Variants in TMC1 observed in about 807,000 individuals in gnomAD.
The protein encoded by TMC1 is transmembrane channel like 1, also known as transmembrane channel-like protein 1.
A neutral mutation model predicts 105.8 loss-of-function variants in TMC1; 84 were observed. The ratio of observed to expected loss-of-function variants is 0.79; its 90% confidence interval spans 0.67 to 0.95. The LOEUF is 0.95. Ranked by LOEUF, TMC1 falls within the 40% of genes least tolerant of loss-of-function variation. The pLI, the probability that TMC1 is intolerant of heterozygous loss-of-function variation, is 0.00. For synonymous variants in TMC1, 315 were observed against 311.5 expected, an observed-to-expected ratio of 1.01 and a Z score of -0.12; for missense variants, 817 against 914.1, an observed-to-expected ratio of 0.89 and a Z score of 1.37.
At chr9:72,681,290 C>G (rs1424662093) in intron 5 of TMC1, among the ~76,000 whole-genome samples, 6 of 152,074 alleles carry the variant, frequency 3.9e-5, no homozygotes, top group Admixed American at 6.6e-5. Context: ...CTCAAACAAT[C>G]TAAATGCAAA....
At chr9:72,543,940 T>TTTTCTTTCTTTCTTTC (rs141265571) in intron 1 of TMC1, among the ~76,000 whole-genome samples, 3 of 120,062 alleles carry the variant, frequency 2.5e-5, no homozygotes, top group African/African-American at 3.8e-5. Context: ...TTCTTTTTCT[T>TTTTCTTTCTTTCTTTC]TTTCTTTCTT....
Position 72,772,454 on chromosome 9 carries a change from C to T in TMC1, c.783C>T (p.Asp261=), listed in dbSNP as rs1827943616. The part of the protein sequence containing the change: ...QYSVLFYGYY[D]NKRTIGWMNF... Reference sequence around the variant, plus strand: ...CCGTTCTCTTTTATGGCTATTATGACAATAAACGAACAATTGGATGGATGA... The same window carrying T: ...CCGTTCTCTTTTATGGCTATTATGATAATAAACGAACAATTGGATGGATGA... Residue 261 remains aspartate (D), a synonymous_variant, in exon 13 of 24, where the codon GAC becomes GAT. Coordinates refer to ENST00000297784, the MANE Select transcript of TMC1 (RefSeq NM_138691.3). The T allele has an allele frequency of 6.2e-7, 1 of 1,613,760 alleles. No individual in the cohort carries two copies. The highest frequency in any genetic ancestry group is 1.3e-5 in the African/African-American group (1 of 74,898).
chr9:72,606,219 T>G (rs1019356136), intron 2 of TMC1, among the ~76,000 whole-genome samples: 1 of 152,174 alleles, frequency 6.6e-6, no homozygotes, highest in Admixed American at 6.5e-5. Flanking sequence ...TTCTTCTCGC[T>G]GGAGACTTCA....
Position 72,521,638 on chromosome 9 carries a change from G to A in TMC1, c.-703G>A, listed in dbSNP as rs1369430786. ...CGCGCGACTGTTTCCCATCTACTCAGAGGCTGAGGCGGGAGAATCGCTTGA... is the reference window on the plus strand; with the variant it reads ...CGCGCGACTGTTTCCCATCTACTCAAAGGCTGAGGCGGGAGAATCGCTTGA... On this transcript the variant is annotated 5_prime_UTR_variant, in exon 1 of 24. Transcript: ENST00000297784. 1.3e-5 allele frequency: 2 copies of A among 152,084 alleles called. No individual in the cohort carries two copies. Among genetic ancestry groups the A allele is most frequent in the Non-Finnish European group, 2.9e-5 (2 of 68,166 alleles). The allele number at this position is 152,084 out of a possible 1,614,324, so 9.4% of individuals were successfully genotyped here. A position where few individuals can be genotyped will look rare whatever the true frequency, so the allele number is the denominator to read the frequency against.
intron 17 of TMC1, among the ~76,000 whole-genome samples, chr9:72,797,181 T>G (rs1479298698): frequency 1.3e-5 from 2 of 152,034 alleles, no homozygotes; most frequent in Admixed American, 6.6e-5. Context: ...GACCTCTTCA[T>G]GGAGAACTAC....
In TMC1 at chr9:72,820,889, G is replaced by C; in HGVS notation, c.1811G>C (p.Arg604Pro). The change falls in exon 20 of 24, where the codon CGA (arginine) becomes CCA (proline). Residue 604 changes from arginine (R) to proline (P), a missense_variant. Coordinates refer to ENST00000297784, the MANE Select transcript of TMC1 (RefSeq NM_138691.3). ...AGCCTCCCAGGCATCAATATCCTTC[G>C]ACTCCATACATCCATGTACTTCCAG... The part of the protein sequence containing the change: ...APSLPGINIL[R>P]LHTSMYFQCW... The C allele has an allele frequency of 6.2e-7, 1 of 1,614,066 alleles. No individual in the cohort carries two copies. The highest frequency in any genetic ancestry group is 8.5e-7 in the Non-Finnish European group (1 of 1,180,014).
At chr9:72,545,857 C>A (rs747907939) in intron 1 of TMC1, among the ~76,000 whole-genome samples, 4 of 151,706 alleles carry the variant, frequency 2.6e-5, no homozygotes, top group Non-Finnish European at 4.4e-5. Flanking sequence ...GTAATTTTCA[C>A]AAATTTTAAA....
At chr9:72,774,637 T>C (rs540601648) in intron 13 of TMC1, among the ~76,000 whole-genome samples, 1 of 152,268 alleles carries the variant, frequency 6.6e-6, no homozygotes, top group African/African-American at 2.4e-5. Context: ...TCCAAACCAG[T>C]GTGGCCTTGA....
Position 72,739,105 on chromosome 9 carries a change from A to G in TMC1, c.363-1014A>G, listed in dbSNP as rs578167629. Among the ~76,000 whole-genome samples the G allele has an allele frequency of 1.0e-3, 157 of 152,340 alleles. 1 individual carries two copies. Among genetic ancestry groups the G allele is most frequent in the African/African-American group, 3.5e-3 (145 of 41,586 alleles). On this transcript the variant is annotated intron_variant, in intron 8 of 23. Coordinates refer to ENST00000297784, the MANE Select transcript of TMC1 (RefSeq NM_138691.3). ...TAAACAACAGCCATTTATTTCTCAC[A>G]GTGCTAGAGGCTGAAAGTCTAAAAT...
In TMC1 at chr9:72,592,303, A is replaced by G. The variant is rs117193879; in HGVS notation, c.-306+14280A>G. On this transcript the variant is annotated intron_variant, in intron 2 of 23. Transcript: ENST00000297784. ...CTAAGAGGATACATCAAGCAGGAAC[A>G]TATATGTGGAACCTGGAAGGGAAGA... 3.6e-3 allele frequency among the ~76,000 whole-genome samples: 547 copies of G among 152,352 alleles called. 7 individuals carry two copies. The highest frequency in any genetic ancestry group is 6.1e-3 in the Non-Finnish European group (415 of 68,034).
At chr9:72,787,067 C>T (rs1186011003) in intron 13 of TMC1, among the ~76,000 whole-genome samples, 2 of 151,006 alleles carry the variant, frequency 1.3e-5, no homozygotes, top group Non-Finnish European at 2.9e-5. Flanking sequence ...CTCATGGTGT[C>T]CTAGCTTGAG....
intron 1 of TMC1, among the ~76,000 whole-genome samples, chr9:72,537,310 G>C (rs1046167716): frequency 3.3e-5 from 5 of 152,096 alleles, no homozygotes; most frequent in African/African-American, 9.7e-5. Context: ...TTAGAACCTA[G>C]CTCCCACTTA....
Position 72,541,488 on chromosome 9 carries a change from G to A in TMC1, c.-428+19575G>A, listed in dbSNP as rs530191806. Among the ~76,000 whole-genome samples the A allele has an allele frequency of 3.9e-5, 6 of 152,190 alleles. No homozygotes were observed. In the East Asian group the frequency reaches 1.2e-3, roughly 29 times the overall value. The stretch of plus-strand genomic sequence containing the variant: ...CGATCACCTGAGGTCAGGAGTTCGA[G>A]ACCAGCCTGACAAATATGATGAAAC... On this transcript the variant is annotated intron_variant, in intron 1 of 23. Coordinates refer to ENST00000297784, the MANE Select transcript of TMC1 (RefSeq NM_138691.3).
chr9:72,806,936 G>A (rs1002571516), intron 18 of TMC1, among the ~76,000 whole-genome samples: 4 of 152,170 alleles, frequency 2.6e-5, no homozygotes, highest in African/African-American at 9.7e-5. Flanking sequence ...AGGTTGTAGC[G>A]AGCCGAGATC....
At chr9:72,556,146 C>G (rs1454542983) in intron 1 of TMC1, among the ~76,000 whole-genome samples, 2 of 147,234 alleles carry the variant, frequency 1.4e-5, no homozygotes, top group African/African-American at 5.0e-5. Flanking sequence ...GACGGAGTTT[C>G]GCTTTGGTTA....
At chr9:72,546,027 A>C (rs1433511275) in intron 1 of TMC1, among the ~76,000 whole-genome samples, 2 of 151,928 alleles carry the variant, frequency 1.3e-5, no homozygotes, top group African/African-American at 4.8e-5. Flanking sequence ...TCACAACTGT[A>C]ATCCCACCAC....
intron 3 of TMC1, among the ~76,000 whole-genome samples, chr9:72,624,113 C>A (rs1005256171): frequency 6.6e-6 from 1 of 152,168 alleles, no homozygotes; most frequent in Non-Finnish European, 1.5e-5. Flanking sequence ...AAGGTCTTGG[C>A]ATCAGATTCC....
chr9:72,805,246 C>A, intron 17 of TMC1, 136 bp from the exon 18 acceptor site: 1 of 750,438 alleles, frequency 1.3e-6, no homozygotes, highest in Non-Finnish European at 2.3e-6. Context: ...CTTGATATGA[C>A]TAGTTGTTTT....
intron 1 of TMC1, among the ~76,000 whole-genome samples, chr9:72,532,574 A>C (rs1355413430): frequency 1.8e-5 from 2 of 109,594 alleles, no homozygotes; most frequent in East Asian, 2.7e-4. Context: ...AAAAAAAAAA[A>C]AAAAAAAAAA....
Sources: gnomAD v4.1 joint callset for allele counts (sites outside exome capture counted in the v4.1 genomes callset) on GRCh38, gnomAD v4.1.1 for gene constraint, MANE v1.5 for transcripts, NCBI Gene and HGNC (gene_info 2026-07-23, HGNC 2026-07-21) for gene names.